Variants in ATP11A observed in about 807,000 individuals in gnomAD.
ATP11A encodes phospholipid-transporting ATPase IH.
ATP11A carries 81 observed loss-of-function variants against 154.4 expected under a neutral mutation model. That is an observed-to-expected ratio of 0.52 (90% confidence interval 0.44 to 0.63). The LOEUF (loss-of-function observed/expected upper bound fraction) is 0.63, where lower values mean the gene tolerates loss of function less well. ATP11A is among the 30% of genes least tolerant of loss of function. The pLI, the probability that ATP11A is intolerant of heterozygous loss-of-function variation, is 0.00. For synonymous variants in ATP11A, 623 were observed against 585.9 expected, an observed-to-expected ratio of 1.06 and a Z score of -0.91; for missense variants, 1,316 against 1,474.3, an observed-to-expected ratio of 0.89 and a Z score of 1.76.
At position 112,858,196 on chromosome 13, in the gene ATP11A, TC is replaced by T; in HGVS notation, c.2576del (p.Pro859GlnfsTer6). The T allele has an allele frequency of 6.2e-7, 1 of 1,614,074 alleles. No individual in the cohort carries two copies. Among genetic ancestry groups the T allele is most frequent in the Non-Finnish European group, 8.5e-7 (1 of 1,180,018 alleles). ...RQAARNSDYAIPKFKHLKKML... is the reference protein window; with the variant it reads ...RQAARNSDYAXPKFKHLKKML... ...GCTGCCAGGAACAGCGACTATGCAA[TC>T]CCAAAGTTTAAGCATTTGAAGAAGA... On this transcript the variant is annotated frameshift_variant, in exon 22 of 30. Transcript: ENST00000375645.
rs1319067029 is a variant in ATP11A at position 112,884,596 on chromosome 13, T to A, written c.*2730T>A. 2 of 152,272 alleles carry A rather than the reference T, an allele frequency of 1.3e-5. No homozygotes were observed. Among genetic ancestry groups the A allele is most frequent in the African/African-American group, 4.8e-5 (2 of 41,468 alleles). The allele number at this position is 152,272 out of a possible 1,614,324, so 9.4% of individuals were successfully genotyped here. A position where few individuals can be genotyped will look rare whatever the true frequency, so the allele number is the denominator to read the frequency against. On this transcript the variant is annotated 3_prime_UTR_variant, in exon 30 of 30. Transcript: ENST00000375645. ...TTTTCCACCTCGCAGTAGTTAGTAT[T>A]TACTTGCCTTAAACTAACTTTGAAG...
intron 1 of ATP11A, among the ~76,000 whole-genome samples, chr13:112,772,473 A>G (rs1308124269): frequency 6.6e-6 from 1 of 152,212 alleles, no homozygotes; most frequent in African/African-American, 2.4e-5. Context: ...GATGAGTTTT[A>G]TTATATTTAC....
At chr13:112,730,520 C>T (rs575562767) in intron 1 of ATP11A, among the ~76,000 whole-genome samples, 4 of 152,328 alleles carry the variant, frequency 2.6e-5, no homozygotes, top group Admixed American at 2.0e-4. Context: ...TCTAGTAACA[C>T]GGTGCTAGGC....
chr13:112,739,602 T>C (rs1220428304), intron 1 of ATP11A, among the ~76,000 whole-genome samples: 2 of 152,230 alleles, frequency 1.3e-5, no homozygotes, highest in African/African-American at 4.8e-5. Context: ...CAATATGCCC[T>C]GCAATTCCAC....
At chr13:112,834,834 A>G (rs1255008099) in intron 15 of ATP11A, among the ~76,000 whole-genome samples, 174 bp downstream of exon 15, 3 of 152,254 alleles carry the variant, frequency 2.0e-5, no homozygotes, top group Admixed American at 6.5e-5. Context: ...GAAGTGCTGG[A>G]CACTTAGAGA....
chr13:112,735,163 C>T lies in ATP11A; in HGVS notation c.39+44708C>T, dbSNP rs186797198. Reference sequence around the variant, plus strand: ...TCTAATAAAAGGCACTCCATAGATACACTGGGGAAAATAAACTTTTTCATT... The same window carrying T: ...TCTAATAAAAGGCACTCCATAGATATACTGGGGAAAATAAACTTTTTCATT... On this transcript the variant is annotated intron_variant, in intron 1 of 29. Transcript: ENST00000375645. Among the ~76,000 whole-genome samples the T allele has an allele frequency of 2.9e-3, 443 of 152,294 alleles. 2 individuals carry two copies. The highest frequency in any genetic ancestry group is 9.8e-3 in the African/African-American group (409 of 41,572).
intron 17 of ATP11A, among the ~76,000 whole-genome samples, chr13:112,845,885 C>G (rs563409210): frequency 6.6e-6 from 1 of 152,122 alleles, no homozygotes. Flanking sequence ...GTTCATTTGC[C>G]GGGCACTCGC....
At chr13:112,820,093 C>G in intron 8 of ATP11A, 143 bp downstream of exon 8, 1 of 771,274 alleles carries the variant, frequency 1.3e-6, no homozygotes, top group Admixed American at 3.4e-5. Flanking sequence ...GGCCGGGCTC[C>G]ACTCTCGTCT....
At chr13:112,878,531 C>A in intron 29 of ATP11A, 1 of 591,608 alleles carries the variant, frequency 1.7e-6, no homozygotes, top group Non-Finnish European at 3.0e-6. Flanking sequence ...TCTCCCTCAG[C>A]GTCCGTGCAG....
At chr13:112,826,238 C>T (rs1414827284) in intron 11 of ATP11A, among the ~76,000 whole-genome samples, 3 of 152,234 alleles carry the variant, frequency 2.0e-5, no homozygotes, top group Admixed American at 6.5e-5. Flanking sequence ...CTGTCCTTCC[C>T]ACAAAACTAA....
chr13:112,885,321 A>G lies in ATP11A; in HGVS notation c.*3455A>G, dbSNP rs551475406. The stretch of plus-strand genomic sequence containing the variant: ...ACGTGTATGCACAGCAGAGAGACGT[A>G]TGAGCTTCTACTGCACACATGCACA... On this transcript the variant is annotated 3_prime_UTR_variant, in exon 30 of 30. Transcript: ENST00000375645. The G allele has an allele frequency of 6.6e-6, 1 of 152,226 alleles. No individual in the cohort carries two copies. Among genetic ancestry groups the G allele is most frequent in the Admixed American group, 6.5e-5 (1 of 15,302 alleles). 9.4% of individuals were successfully genotyped at this position (152,226 alleles called of 1,614,324 possible).
At chr13:112,869,802 C>T (rs1375057585) in intron 25 of ATP11A, among the ~76,000 whole-genome samples, 1 of 152,218 alleles carries the variant, frequency 6.6e-6, no homozygotes, top group African/African-American at 2.4e-5. Context: ...TAGGCTGCTG[C>T]CAAGCCACAG....
rs1001808716 is a variant in ATP11A, at chr13:112,807,326, G to A, written c.333+1033G>A. 1.3e-5 allele frequency among the ~76,000 whole-genome samples: 2 copies of A among 152,342 alleles called. No individual in the cohort carries two copies. Among genetic ancestry groups the A allele is most frequent in the African/African-American group, 4.8e-5 (2 of 41,574 alleles). On this transcript the variant is annotated intron_variant, in intron 4 of 29. Coordinates refer to ENST00000375645, the MANE Select transcript of ATP11A (RefSeq NM_015205.3). This position sits in a 1 kb window ranked among gnomAD's most constrained non-coding sequence, Gnocchi z 4.5. The stretch of plus-strand genomic sequence containing the variant: ...TGTGTGTCTTCACTAGGCCAGAGCC[G>A]GCCGTGCCTACCGGGATACGTGAAC...
intron 1 of ATP11A, among the ~76,000 whole-genome samples, chr13:112,723,562 G>A (rs1461247449): frequency 6.6e-6 from 1 of 150,946 alleles, no homozygotes; most frequent in Non-Finnish European, 1.5e-5. Context: ...GTGAGCCACC[G>A]TGCCTGGCCA....
chr13:112,708,777 C>T lies in ATP11A; in HGVS notation c.39+18322C>T, dbSNP rs556394033. On this transcript the variant is annotated intron_variant, in intron 1 of 29. Transcript: ENST00000375645. ...GTTGGTCCCACCCCTGCCCGACAAG[C>T]CTGTAGCTTTGGTCGTCTTCCAACG... Among the ~76,000 whole-genome samples, 3 of 152,272 alleles carry T rather than the reference C, an allele frequency of 2.0e-5. No individual in the cohort carries two copies. In the South Asian group the frequency reaches 6.2e-4, roughly 32 times the overall value.
At chr13:112,827,473 G>T (rs1041636626) in intron 12 of ATP11A, among the ~76,000 whole-genome samples, 3 of 152,160 alleles carry the variant, frequency 2.0e-5, no homozygotes, top group African/African-American at 4.8e-5. Context: ...CACAGAGTCT[G>T]GTGTGACCAC....
At chr13:112,744,105 C>T (rs571111043) in intron 1 of ATP11A, among the ~76,000 whole-genome samples, 1 of 152,340 alleles carries the variant, frequency 6.6e-6, no homozygotes, top group African/African-American at 2.4e-5. Context: ...GTAAGGAAGG[C>T]TTCCTCTTCA....
chr13:112,878,536 G>A (rs1317737092), intron 29 of ATP11A: 12 of 587,188 alleles, frequency 2.0e-5, no homozygotes, highest in Non-Finnish European at 2.4e-5. Flanking sequence ...CTCAGCGTCC[G>A]TGCAGCCTCA....
chr13:112,690,081 G>A lies in ATP11A; in HGVS notation c.-336G>A, dbSNP rs1452310087. On this transcript the variant is annotated 5_prime_UTR_variant, in exon 1 of 30. Coordinates refer to ENST00000375645, the MANE Select transcript of ATP11A (RefSeq NM_015205.3). The surrounding 1 kb of genome is among the most constrained non-coding windows in gnomAD (Gnocchi z 5.6). ...GAGGAGGAGACTCGGGAGGAGCAGA[G>A]CGCAGGCTCCGCCGCGGCCGGGGTG... 6.7e-6 allele frequency among the ~76,000 whole-genome samples: 1 copy of A among 148,602 alleles called. No individual in the cohort carries two copies. The highest frequency in any genetic ancestry group is 1.5e-5 in the Non-Finnish European group (1 of 66,552).
Sources: allele counts gnomAD v4.1 joint callset (sites outside exome capture counted in the v4.1 genomes callset), GRCh38; gene constraint gnomAD v4.1.1; non-coding constraint Gnocchi (gnomAD v3.1); transcripts MANE v1.5; gene names NCBI Gene and HGNC (gene_info 2026-07-23, HGNC 2026-07-21).